The following PRAME variants were observed in gnomAD, a reference collection of about 807,000 sequenced individuals.
The protein encoded by PRAME is PRAME nuclear receptor transcriptional regulator.
Under a neutral mutation model 32.1 loss-of-function variants are expected in PRAME, and 21 were observed. The ratio of observed to expected loss-of-function variants is 0.65; its 90% CI spans 0.46 to 0.94. The LOEUF is 0.94. PRAME is among the 40% of genes least tolerant of loss of function. The pLI is 0.00. For missense variants in PRAME, 651 were observed against 622.3 expected (o/e 1.05, Z -0.49); for synonymous variants, 274 against 251.5 (o/e 1.09, Z -0.85).
At chr22:22,550,363 G>T in intron 4 of PRAME, 29 bp from the exon 5 acceptor site, 1 of 1,601,014 alleles carries the variant, frequency 6.2e-7, no homozygotes, top group Non-Finnish European at 8.5e-7. Flanking sequence ...AATTAGCTGA[G>T]ATGATGCTTT....
chr22:22,552,506 G>A (rs2062648587), intron 3 of PRAME, among the ~76,000 whole-genome samples: 1 of 151,384 alleles, frequency 6.6e-6, no homozygotes, highest in East Asian at 2.0e-4. Flanking sequence ...AATGTTCCAG[G>A]TAATGGTTAT....
chr22:22,556,470 C>T lies in PRAME; in HGVS notation c.21+342G>A, dbSNP rs540001338. On this transcript the variant is annotated intron_variant, in intron 3 of 5. Coordinates refer to ENST00000405655, the MANE Select transcript of PRAME (RefSeq NM_206956.3). ...GGACTACAGGTGCATGCCACCACGC[C>T]CGGCTAACTTTCTGTACTTTTAGTA... is the stretch of plus-strand genomic sequence containing the variant. 1.1e-4 allele frequency among the ~76,000 whole-genome samples: 17 copies of T among 151,128 alleles called. No homozygotes were observed. In the East Asian group the frequency reaches 3.1e-3, roughly 27 times the overall value.
At chr22:22,554,056 C>T (rs1319547704) in intron 3 of PRAME, 4 of 984,988 alleles carry the variant, frequency 4.1e-6, no homozygotes, top group South Asian at 9.4e-5. Flanking sequence ...CAGTTTTTCT[C>T]TATTTCCATG....
chr22:22,557,002 C>A, intron 2 of PRAME, 93 bp from the exon 3 acceptor site: 2 of 747,290 alleles, frequency 2.7e-6, no homozygotes, highest in South Asian at 3.3e-5. Context: ...GCAAATACTG[C>A]TGAGGAAACT....
rs752793340 is a variant in PRAME, at chr22:22,556,840, C to G, written c.-8G>C. 1 of 1,612,882 alleles carries G rather than the reference C, an allele frequency of 6.2e-7. No homozygotes were observed. The highest frequency in any genetic ancestry group is 1.1e-5 in the South Asian group (1 of 91,060). On this transcript the variant is annotated 5_prime_UTR_variant, in exon 3 of 6. Coordinates refer to ENST00000405655, the MANE Select transcript of PRAME (RefSeq NM_206956.3). ...CAAACGCCTTCGTTCCATTTTGAAG[C>G]GACTTAGGCTGGCCTCAGGACCTCC...
At chr22:22,552,535 A>T (rs1028379925) in intron 3 of PRAME, among the ~76,000 whole-genome samples, 1 of 151,932 alleles carries the variant, frequency 6.6e-6, no homozygotes, top group African/African-American at 2.4e-5. Context: ...CCATAATTTG[A>T]TCATTACATA....
chr22:22,550,942 A>G lies in PRAME; in HGVS notation c.169T>C (p.Phe57Leu), dbSNP rs769323726. 1.1e-4 allele frequency: 180 copies of G among 1,613,662 alleles called. No homozygotes were observed. The East Asian group carries it at 4.0e-3, about 36-fold the overall frequency. ...TGTCTCCCGTCAAAGGCTGCCATGA[A>G]GAGTGGCGGGAAGAGCTCCCTGGGC... ...LLPRELFPPL[F>L]MAAFDGRHSQ... Residue 57 changes from phenylalanine (F) to leucine (L), a missense_variant, in exon 4 of 6, where the codon TTC (phenylalanine) becomes CTC (leucine). Coordinates refer to ENST00000405655, the MANE Select transcript of PRAME (RefSeq NM_206956.3).
rs993505615 is a variant in PRAME, at chr22:22,548,373, A to G, written c.1224T>C (p.Leu408=). The change falls in exon 6 of 6, where the codon CTT becomes CTC. Residue 408 remains leucine, a synonymous_variant. Coordinates refer to ENST00000405655, the MANE Select transcript of PRAME (RefSeq NM_206956.3). ...AATTCCCGTAGAAGCTTAAGGTCGTAAGCTGGGAGCAGTGGCTCAGGGAAG... is the reference window on the plus strand; with the variant it reads ...AATTCCCGTAGAAGCTTAAGGTCGTGAGCTGGGAGCAGTGGCTCAGGGAAG... ...LLPSLSHCSQ[L]TTLSFYGNSI... 6.2e-7 allele frequency: 1 copy of G among 1,613,360 alleles called. No individual in the cohort carries two copies. Among genetic ancestry groups the G allele is most frequent in the Non-Finnish European group, 8.5e-7 (1 of 1,179,936 alleles).
intron 3 of PRAME, chr22:22,552,735 C>A (rs1293763833): frequency 2.4e-6 from 1 of 410,774 alleles, no homozygotes; most frequent in Non-Finnish European, 5.1e-6. Context: ...GCAGCATTGG[C>A]CCTCATGGCC....
Position 22,549,845 on chromosome 22 carries a change from C to T in PRAME, c.834G>A (p.Pro278=), listed in dbSNP as rs548426100. Reference sequence around the variant, plus strand: ...GGGCGATATACTGCTCTTCCTTCTCCGGGGAAATGTAGGAAGATGCATGGA... The same window carrying T: ...GGGCGATATACTGCTCTTCCTTCTCTGGGGAAATGTAGGAAGATGCATGGA... ...SHIHASSYIS[P]EKEEQYIAQF... is the part of the protein sequence containing the mutation. The change falls in exon 5 of 6, where the codon CCG becomes CCA. Residue 278 remains proline (P), a synonymous_variant. Coordinates refer to ENST00000405655, the MANE Select transcript of PRAME (RefSeq NM_206956.3). 3.9e-5 allele frequency: 63 copies of T among 1,613,734 alleles called. 1 individual carries two copies. The highest frequency in any genetic ancestry group is 1.2e-4 in the Admixed American group (7 of 59,968).
chr22:22,549,836 T>C lies in PRAME; in HGVS notation c.843A>G (p.Glu281=). Reference sequence around the variant, plus strand: ...AGGTGAACTGGGCGATATACTGCTCTTCCTTCTCCGGGGAAATGTAGGAAG... The same window carrying C: ...AGGTGAACTGGGCGATATACTGCTCCTCCTTCTCCGGGGAAATGTAGGAAG... ...HASSYISPEK[E]EQYIAQFTSQ... is the part of the protein sequence containing the mutation. The change falls in exon 5 of 6, where the codon GAA becomes GAG. Residue 281 remains glutamate (E), a synonymous_variant. Transcript: ENST00000405655. The C allele has an allele frequency of 3.1e-6, 5 of 1,613,774 alleles. No individual in the cohort carries two copies. The highest frequency in any genetic ancestry group is 4.2e-6 in the Non-Finnish European group (5 of 1,179,934).
chr22:22,549,648 A>G, intron 5 of PRAME, 78 bp downstream of exon 5: 3 of 1,493,564 alleles, frequency 2.0e-6, no homozygotes, highest in Non-Finnish European at 2.7e-6. Context: ...TGGCTGGCAC[A>G]TACAAGATAT....
intron 3 of PRAME, among the ~76,000 whole-genome samples, chr22:22,552,331 C>A (rs1601812495): frequency 1.5e-5 from 2 of 136,968 alleles, no homozygotes; most frequent in South Asian, 2.4e-4. Context: ...ATAAATGATG[C>A]AAATTATAAT....
intron 3 of PRAME, chr22:22,554,244 G>GTC (rs2062770412): frequency 1.0e-6 from 1 of 985,016 alleles, no homozygotes; most frequent in African/African-American, 1.7e-5. Context: ...CATGCACTGT[G>GTC]AAGTCCCTAC....
At chr22:22,548,740 A>G in intron 5 of PRAME, 97 bp from the exon 6 acceptor site, 1 of 1,155,820 alleles carries the variant, frequency 8.7e-7, no homozygotes, top group Non-Finnish European at 1.2e-6. Flanking sequence ...AGTCTTCCTG[A>G]TGATGGTTAA....
At position 22,556,792 on chromosome 22, in the gene PRAME, AGC is replaced by A; in HGVS notation, c.21+18_21+19del. On this transcript the variant is annotated intron_variant, in intron 3 of 5. Coordinates refer to ENST00000405655, the MANE Select transcript of PRAME (RefSeq NM_206956.3). ...CAGGGCTTCTCTGAGCACCTCAGACAGCTCAGGGGACCTTCTTACCCACAAAC... is the reference window on the plus strand; with the variant it reads ...CAGGGCTTCTCTGAGCACCTCAGACATCAGGGGACCTTCTTACCCACAAAC... 6.2e-7 allele frequency: 1 copy of A among 1,612,584 alleles called. No homozygotes were observed. Among genetic ancestry groups the A allele is most frequent in the Non-Finnish European group, 8.5e-7 (1 of 1,179,754 alleles).
chr22:22,549,999 A>G lies in PRAME; in HGVS notation c.680T>C (p.Leu227Pro), dbSNP rs2062472288. 1 of 1,613,896 alleles carries G rather than the reference A, an allele frequency of 6.2e-7. No homozygotes were observed. Among genetic ancestry groups the G allele is most frequent in the East Asian group, 2.2e-5 (1 of 44,798 alleles). Residue 227 changes from leucine to proline, a missense_variant, in exon 5 of 6, where the codon CTG becomes CCG. Transcript: ENST00000405655. ...AATAGAGTCCAGCTGCACCATTTTC[A>G]GGATCATCTTGATATCCTGCATGGG... ...AMPMQDIKMI[L>P]KMVQLDSIED...
chr22:22,550,098 TAGG>T lies in PRAME; in HGVS notation c.578_580del (p.Ser193del), dbSNP rs751911229. On this transcript the variant is annotated inframe_deletion, in exon 5 of 6. Transcript: ENST00000405655. ...CTTTCGCTTCACTTTCTCAATGAGG[TAGG>T]AGAACAATTCATCACAGGCACCTTC... 21 of 1,613,898 alleles carry T rather than the reference TAGG, an allele frequency of 1.3e-5. 1 individual carries two copies. In the Admixed American group the frequency reaches 2.2e-4, roughly 17 times the overall value.
In PRAME at chr22:22,551,074, G is replaced by A. The variant is rs775536149; in HGVS notation, c.37C>T (p.Arg13Ter). Residue 13 changes from arginine to a stop codon, truncating the protein, a stop_gained, in exon 4 of 6, where the codon CGA becomes TGA. Coordinates refer to ENST00000405655, the MANE Select transcript of PRAME (RefSeq NM_206956.3). LOFTEE classifies it high-confidence loss of function. ...GTCCACACACTCATGCTGATGTATC[G>A]GCTCTGAATGGAACCCTGAGGAAAC... ...RRRLWGSIQS[R>*]YISMSVWTSP... The A allele has an allele frequency of 2.6e-5, 41 of 1,577,838 alleles. No homozygotes were observed. The highest frequency in any genetic ancestry group is 5.8e-5 in the South Asian group (5 of 86,536).
Sources: gnomAD v4.1 joint callset for allele counts (sites outside exome capture counted in the v4.1 genomes callset) on GRCh38, gnomAD v4.1.1 for gene constraint, MANE v1.5 for transcripts, NCBI Gene and HGNC (gene_info 2026-07-23, HGNC 2026-07-21) for gene names.